AAR2: variants seen among roughly 807,000 people sequenced by gnomAD.
The protein encoded by AAR2 is protein AAR2 homolog.
AAR2 carries 31 observed loss-of-function variants against 26.9 expected under a neutral mutation model. The observed-to-expected ratio is 1.15, with a 90% confidence interval of 0.86 to 1.55. The LOEUF (loss-of-function observed/expected upper bound fraction) is 1.55. AAR2 is among the 40% of genes most tolerant of loss of function. AAR2 has a pLI of 0.00. For synonymous variants in AAR2, 188 were observed against 196.1 expected, an observed-to-expected ratio of 0.96 and a Z score of 0.34; for missense variants, 430 against 491.3, an observed-to-expected ratio of 0.88 and a Z score of 1.18.
chr20:36,249,037 A>C (rs1601183478), intron 3 of AAR2, among the ~76,000 whole-genome samples: 1 of 152,174 alleles, frequency 6.6e-6, no homozygotes, highest in Non-Finnish European at 1.5e-5. Flanking sequence ...CCAGGTAGTC[A>C]AGTAAGTGGA....
At chr20:36,239,444 T>C (rs1447455150) in intron 1 of AAR2, among the ~76,000 whole-genome samples, 2 of 152,194 alleles carry the variant, frequency 1.3e-5, no homozygotes, top group Non-Finnish European at 2.9e-5. Context: ...TGTCCAGGCA[T>C]TTTCCACCCT....
intron 1 of AAR2, among the ~76,000 whole-genome samples, chr20:36,237,015 G>A (rs1394524655): frequency 6.6e-6 from 1 of 152,126 alleles, no homozygotes; most frequent in Non-Finnish European, 1.5e-5. Flanking sequence ...CTAGCCCCAG[G>A]GCAAGGAACC....
At chr20:36,247,148 T>C (rs1458280811) in intron 3 of AAR2, among the ~76,000 whole-genome samples, 1 of 152,244 alleles carries the variant, frequency 6.6e-6, no homozygotes, top group Non-Finnish European at 1.5e-5. Flanking sequence ...GATAGCAGAC[T>C]CTTGTATTTT....
rs147834617 is a variant in AAR2, at chr20:36,240,211, C to G, written c.343C>G (p.Leu115Val). 7.1e-5 allele frequency: 115 copies of G among 1,614,118 alleles called. No homozygotes were observed. Among genetic ancestry groups the G allele is most frequent in the Non-Finnish European group, 1.3e-5 (15 of 1,180,050 alleles). Residue 115 changes from leucine (L) to valine (V), a missense_variant, in exon 2 of 4, where the codon CTC becomes GTC. Coordinates refer to ENST00000320849, the MANE Select transcript of AAR2 (RefSeq NM_001271874.2). ...TGAGGTGGAGGCCATGAGGGCCAACCTCCAGGAGCTGGACCAGTTCCTGGG... is the reference window on the plus strand; with the variant it reads ...TGAGGTGGAGGCCATGAGGGCCAACGTCCAGGAGCTGGACCAGTTCCTGGG... ...ESEVEAMRAN[L>V]QELDQFLGPY...
intron 3 of AAR2, 69 bp from the exon 4 acceptor site, chr20:36,255,509 A>T: frequency 6.3e-7 from 1 of 1,576,678 alleles, no homozygotes; most frequent in Non-Finnish European, 8.7e-7. Flanking sequence ...ACCATGAGGA[A>T]ATTTCCACAG....
In AAR2 at chr20:36,236,499, A is replaced by G. The variant is rs538522972; in HGVS notation, c.-53A>G. The G allele has an allele frequency of 9.8e-5, 15 of 152,352 alleles. No homozygotes were observed. Among genetic ancestry groups the G allele is most frequent in the Admixed American group, 7.8e-4 (12 of 15,300 alleles). 9.4% of individuals were successfully genotyped at this position (152,352 alleles called of 1,614,324 possible). A position where few individuals can be genotyped will look rare whatever the true frequency, so the allele number is the denominator to read the frequency against. On this transcript the variant is annotated 5_prime_UTR_variant, in exon 1 of 4. Transcript: ENST00000320849. ...TTCCGCTGTACCGGAACGTGGGGCG[A>G]GGCGGTGAGTGTGGCCTCCTGGCCT...
In AAR2 at chr20:36,255,824, C is replaced by G. The variant is rs969901075; in HGVS notation, c.*79C>G. On this transcript the variant is annotated 3_prime_UTR_variant, in exon 4 of 4. Transcript: ENST00000320849. Reference sequence around the variant, plus strand: ...GGCCTCTCCATTTACTTCTTCCCATCCTGGGACCTGCCAGGGCAGCAATCT... The same window carrying G: ...GGCCTCTCCATTTACTTCTTCCCATGCTGGGACCTGCCAGGGCAGCAATCT... 65 of 1,527,216 alleles carry G rather than the reference C, an allele frequency of 4.3e-5. No homozygotes were observed. The highest frequency in any genetic ancestry group is 2.1e-5 in the Non-Finnish European group (24 of 1,127,498). The allele number at this position is 1,527,216 out of a possible 1,614,324, so 94.6% of individuals were successfully genotyped here.
rs527634863 is a variant in AAR2, at chr20:36,253,012, G to A, written c.988-2566G>A. Reference sequence around the variant, plus strand: ...TGATCTGGTATTTTGTTGTGGCTGCGCTTCCCACTCCTGTGTTTAGTCGAT... The same window carrying A: ...TGATCTGGTATTTTGTTGTGGCTGCACTTCCCACTCCTGTGTTTAGTCGAT... On this transcript the variant is annotated intron_variant, in intron 3 of 3. Transcript: ENST00000320849. 7.3e-4 allele frequency among the ~76,000 whole-genome samples: 111 copies of A among 152,208 alleles called. 1 individual carries two copies. The highest frequency in any genetic ancestry group is 2.6e-3 in the African/African-American group (109 of 41,522).
chr20:36,241,188 A>G (rs1174331404), intron 2 of AAR2, among the ~76,000 whole-genome samples: 2 of 152,178 alleles, frequency 1.3e-5, no homozygotes, highest in African/African-American at 4.8e-5. Context: ...AGAAATAACC[A>G]TTTAAACAGT....
In AAR2 at chr20:36,237,237, A is replaced by G. The variant is rs772031390; in HGVS notation, c.-49+734A>G. On this transcript the variant is annotated intron_variant, in intron 1 of 3. Transcript: ENST00000320849. ...CGTGCAGGCTTTGTAGGTAATAGGAAGAATTCTGGTTTTTCAAGAACCATA... is the reference window on the plus strand; with the variant it reads ...CGTGCAGGCTTTGTAGGTAATAGGAGGAATTCTGGTTTTTCAAGAACCATA... 8.3e-4 allele frequency among the ~76,000 whole-genome samples: 127 copies of G among 152,306 alleles called. 1 individual carries two copies. Among genetic ancestry groups the G allele is most frequent in the Non-Finnish European group, 1.3e-3 (86 of 68,020 alleles).
chr20:36,242,432 C>T (rs1312008697), intron 2 of AAR2, among the ~76,000 whole-genome samples: 1 of 151,822 alleles, frequency 6.6e-6, no homozygotes, highest in Non-Finnish European at 1.5e-5. Flanking sequence ...GCTCTGTCGC[C>T]CAGGCTGGAG....
chr20:36,253,655 G>C (rs537919233), intron 3 of AAR2, among the ~76,000 whole-genome samples: 52 of 152,240 alleles, frequency 3.4e-4, no homozygotes, highest in African/African-American at 1.2e-3. Context: ...CTGCTCCCCT[G>C]CCCATGTTTG....
chr20:36,248,082 A>G (rs954450254), intron 3 of AAR2, among the ~76,000 whole-genome samples: 1 of 152,082 alleles, frequency 6.6e-6, no homozygotes, highest in Non-Finnish European at 1.5e-5. Context: ...TCCCTGGTAC[A>G]TATTTGCTCA....
At chr20:36,238,735 GA>G (rs1206457474) in intron 1 of AAR2, among the ~76,000 whole-genome samples, 1 of 147,244 alleles carries the variant, frequency 6.8e-6, no homozygotes, top group Non-Finnish European at 1.5e-5. Flanking sequence ...CAGCTGGGGT[GA>G]CAGAGCGAGA....
At chr20:36,255,514 C>G in intron 3 of AAR2, 64 bp from the exon 4 acceptor site, 1 of 1,584,370 alleles carries the variant, frequency 6.3e-7, no homozygotes, top group Non-Finnish European at 8.6e-7. Context: ...GAGGAAATTT[C>G]CACAGCTTTC....
chr20:36,240,828 C>G (rs2064673593), intron 2 of AAR2, among the ~76,000 whole-genome samples: 1 of 152,166 alleles, frequency 6.6e-6, no homozygotes, highest in African/African-American at 2.4e-5. Flanking sequence ...TTCTATCTGT[C>G]TAATAAACAA....
At position 36,243,866 on chromosome 20, in the gene AAR2, G is replaced by T. The variant is rs985767924; in HGVS notation, c.758-831G>T. Among the ~76,000 whole-genome samples the T allele has an allele frequency of 2.0e-5, 3 of 152,352 alleles. No individual in the cohort carries two copies. The East Asian group carries it at 5.8e-4, about 29-fold the overall frequency. On this transcript the variant is annotated intron_variant, in intron 2 of 3. Transcript: ENST00000320849. ...CTGCTAAGTGGCAGAGCTAAGATTT[G>T]AAGCTAGGCAGTTTGGCTCCAGAGC...
chr20:36,241,350 A>G (rs1423897774), intron 2 of AAR2, among the ~76,000 whole-genome samples: 2 of 152,208 alleles, frequency 1.3e-5, no homozygotes, highest in African/African-American at 4.8e-5. Context: ...GGATTGAAGT[A>G]TATTATTACT....
At chr20:36,251,084 C>CT (rs1244415431) in intron 3 of AAR2, among the ~76,000 whole-genome samples, 1 of 151,966 alleles carries the variant, frequency 6.6e-6, no homozygotes, top group Admixed American at 6.6e-5. Context: ...ATAGTCTCAA[C>CT]TACTGAGGAG....
Sources: allele counts gnomAD v4.1 joint callset (sites outside exome capture counted in the v4.1 genomes callset), GRCh38; gene constraint gnomAD v4.1.1; transcripts MANE v1.5; gene names NCBI Gene and HGNC (gene_info 2026-07-23, HGNC 2026-07-21).